ARHGAP26: variants seen among roughly 807,000 people sequenced by gnomAD.
ARHGAP26 encodes the protein Rho GTPase activating protein 26.
In ARHGAP26, 38 loss-of-function variants were observed where a neutral mutation model predicts 104.8. The ratio of observed to expected loss-of-function variants is 0.36; its 90% CI spans 0.28 to 0.48. The LOEUF (loss-of-function observed/expected upper bound fraction) is 0.48, where lower values mean the gene tolerates loss of function less well. ARHGAP26 is among the 20% of genes least tolerant of loss of function. The pLI is 0.99. For synonymous variants in ARHGAP26, 341 were observed against 340.0 expected (o/e 1.00, Z -0.03); for missense variants, 704 against 947.9 (o/e 0.74, Z 3.38).
At chr5:142,771,639 C>G (rs774842893) in intron 1 of ARHGAP26, among the ~76,000 whole-genome samples, 3 of 152,208 alleles carry the variant, frequency 2.0e-5, no homozygotes, top group Admixed American at 6.5e-5. Context: ...CCAACTCTCT[C>G]CCTCTCCTGC....
At chr5:143,051,124 G>C (rs1243015550) in intron 14 of ARHGAP26, among the ~76,000 whole-genome samples, 3 of 152,142 alleles carry the variant, frequency 2.0e-5, no homozygotes, top group African/African-American at 4.8e-5. Flanking sequence ...GAGAGAAAAA[G>C]ATTAATTTGC....
intron 22 of ARHGAP26, among the ~76,000 whole-genome samples, chr5:143,218,045 AC>A (rs1320943211): frequency 1.3e-5 from 2 of 152,172 alleles, no homozygotes; most frequent in African/African-American, 4.8e-5. Context: ...GCAAACTATG[AC>A]CTGCCAGTCA....
At chr5:142,998,169 A>G (rs901014317) in intron 11 of ARHGAP26, among the ~76,000 whole-genome samples, 1 of 152,186 alleles carries the variant, frequency 6.6e-6, no homozygotes, top group Non-Finnish European at 1.5e-5. Context: ...ATGTGTGTAT[A>G]TATGCACTTA....
At chr5:143,169,601 T>TC (rs1802493650) in intron 20 of ARHGAP26, 1 of 152,202 alleles carries the variant, frequency 6.6e-6, no homozygotes, top group Admixed American at 6.5e-5. Flanking sequence ...CCACATTGAG[T>TC]CCCATCCCCA....
intron 1 of ARHGAP26, among the ~76,000 whole-genome samples, chr5:142,790,753 T>A (rs537622131): frequency 1.3e-5 from 2 of 152,330 alleles, no homozygotes; most frequent in South Asian, 4.1e-4. Flanking sequence ...TCCTCTGGAA[T>A]GCCTTTGCTA....
intron 12 of ARHGAP26, among the ~76,000 whole-genome samples, chr5:143,016,009 A>C (rs1320224278): frequency 6.6e-6 from 1 of 152,218 alleles, no homozygotes; most frequent in Non-Finnish European, 1.5e-5. Context: ...ACAACAAATA[A>C]ATTTGTTGGG....
At chr5:143,072,711 A>G (rs142345602) in intron 17 of ARHGAP26, among the ~76,000 whole-genome samples, 55 of 152,368 alleles carry the variant, frequency 3.6e-4, no homozygotes, top group African/African-American at 1.3e-3. Context: ...TAGAAGTAAA[A>G]AGTAGAAGAG....
chr5:142,914,786 A>G (rs1046075091), intron 10 of ARHGAP26, among the ~76,000 whole-genome samples: 4 of 152,224 alleles, frequency 2.6e-5, no homozygotes, highest in Admixed American at 6.5e-5. Flanking sequence ...CTGGTTTTAA[A>G]CAAAACCTAA....
At chr5:142,976,638 T>C (rs975753522) in intron 11 of ARHGAP26, among the ~76,000 whole-genome samples, 2 of 152,214 alleles carry the variant, frequency 1.3e-5, no homozygotes, top group Non-Finnish European at 2.9e-5. Flanking sequence ...TAAGATATCC[T>C]GTTGGGAAAA....
intron 1 of ARHGAP26, among the ~76,000 whole-genome samples, chr5:142,779,899 T>G (rs1757156432): frequency 6.6e-6 from 1 of 152,250 alleles, no homozygotes. Context: ...CATTTTTACT[T>G]TAACTCATAG....
chr5:142,982,564 G>T (rs150628399), intron 11 of ARHGAP26, among the ~76,000 whole-genome samples: 1,575 of 152,302 alleles, frequency 0.01, 31 homozygotes, highest in African/African-American at 0.036. Context: ...ATAGCGGAAG[G>T]AAGGAATCTG....
At chr5:143,140,519 T>G (rs1798387094) in intron 19 of ARHGAP26, among the ~76,000 whole-genome samples, 1 of 152,196 alleles carries the variant, frequency 6.6e-6, no homozygotes, top group African/African-American at 2.4e-5. Flanking sequence ...TAGACCATAG[T>G]AAGCACCTAA....
chr5:143,054,943 C>G (rs1362054462), intron 15 of ARHGAP26, among the ~76,000 whole-genome samples: 1 of 152,150 alleles, frequency 6.6e-6, no homozygotes, highest in East Asian at 1.9e-4. Flanking sequence ...GACAATGGTT[C>G]TTAAAAATGA....
At chr5:143,017,950 G>A (rs1328072737) in intron 12 of ARHGAP26, among the ~76,000 whole-genome samples, 1 of 152,102 alleles carries the variant, frequency 6.6e-6, no homozygotes, top group Admixed American at 6.5e-5. Context: ...CAGAGTGGTC[G>A]ATCCGCAGTC....
chr5:142,992,890 A>G (rs989620331), intron 11 of ARHGAP26, among the ~76,000 whole-genome samples: 1 of 152,236 alleles, frequency 6.6e-6, no homozygotes, highest in East Asian at 1.9e-4. Context: ...CACAACTGTA[A>G]GTGAGCAATT....
chr5:142,929,258 C>G (rs557034456), intron 10 of ARHGAP26, among the ~76,000 whole-genome samples: 1 of 152,154 alleles, frequency 6.6e-6, no homozygotes, highest in Non-Finnish European at 1.5e-5. Flanking sequence ...TAATCTCTCT[C>G]TTCTCTGTCT....
chr5:142,945,322 C>G (rs1766943970), intron 11 of ARHGAP26, among the ~76,000 whole-genome samples: 1 of 152,216 alleles, frequency 6.6e-6, no homozygotes, highest in East Asian at 1.9e-4. Flanking sequence ...ATGCCTGCCA[C>G]TCACTATACC....
intron 11 of ARHGAP26, among the ~76,000 whole-genome samples, chr5:142,963,198 A>ATGTGTGTGTGTGTGTGTGTGTGTG (rs1217350223): frequency 1.7e-4 from 17 of 98,300 alleles, no homozygotes; most frequent in African/African-American, 8.6e-4. Flanking sequence ...ATATATATAT[A>ATGTGTGTGTGTGTGTGTGTGTGTG]TGTGTGTGTG....
intron 11 of ARHGAP26, among the ~76,000 whole-genome samples, chr5:142,994,055 C>A (rs1776031457): frequency 6.6e-6 from 1 of 152,216 alleles, no homozygotes; most frequent in South Asian, 2.1e-4. Context: ...TTATTAAATG[C>A]CTGCTATGTG....
Sources: allele counts gnomAD v4.1 joint callset (sites outside exome capture counted in the v4.1 genomes callset), GRCh38; gene constraint gnomAD v4.1.1; transcripts MANE v1.5; gene names NCBI Gene and HGNC (gene_info 2026-07-23, HGNC 2026-07-21).